Variants in PM20D2 observed in about 807,000 individuals in gnomAD.
The protein encoded by PM20D2 is peptidase M20 domain containing 2.
Under a neutral mutation model 42.9 loss-of-function variants are expected in PM20D2, and 33 were observed. The ratio of observed to expected loss-of-function variants is 0.77; its 90% CI spans 0.58 to 1.03. The LOEUF is 1.03. Ranked by LOEUF, PM20D2 falls within the 50% of genes least tolerant of loss-of-function variation. The probability of loss-of-function intolerance (pLI) is 0.00; values close to 1 mark genes in which losing one functional copy is unlikely to be tolerated. For synonymous variants in PM20D2, 250 were observed against 228.2 expected (o/e 1.10, Z -0.86); for missense variants, 548 against 557.0 (o/e 0.98, Z 0.16).
chr6:89,154,124 A>C (rs1434231108), intron 3 of PM20D2, among the ~76,000 whole-genome samples: 2 of 152,228 alleles, frequency 1.3e-5, no homozygotes, highest in African/African-American at 4.8e-5. Flanking sequence ...AGGAACAAAC[A>C]GGAATGTGTA....
intron 2 of PM20D2, among the ~76,000 whole-genome samples, chr6:89,151,350 C>T (rs1770833335): frequency 6.6e-6 from 1 of 151,846 alleles, no homozygotes; most frequent in South Asian, 2.1e-4. Context: ...CTGCCTCAGC[C>T]TCCCATGGAC....
the PM20D2 span, among the ~76,000 whole-genome samples, chr6:89,113,662 T>C: frequency 1.3e-5 from 2 of 152,128 alleles, no homozygotes; most frequent in African/African-American, 4.8e-5. Flanking sequence ...TATTTATTTA[T>C]TTTTGAGACA....
intron 5 of PM20D2, among the ~76,000 whole-genome samples, chr6:89,160,967 T>G (rs1771214263): frequency 6.6e-6 from 1 of 151,430 alleles, no homozygotes. Context: ...GAGATCAGGT[T>G]GGAAAGGTGA....
At chr6:89,158,557 G>C in intron 5 of PM20D2, 97 bp downstream of exon 5, 2 of 1,367,498 alleles carry the variant, frequency 1.5e-6, no homozygotes, top group Middle Eastern at 1.9e-4. Context: ...AGGTCGGGAG[G>C]TACTACTGAC....
the PM20D2 span, among the ~76,000 whole-genome samples, chr6:89,099,464 G>A: frequency 4.5e-5 from 6 of 134,808 alleles, no homozygotes; most frequent in East Asian, 2.2e-4. Flanking sequence ...GTGTATATAT[G>A]TGTGTGTATA....
the PM20D2 span, among the ~76,000 whole-genome samples, chr6:89,118,823 A>G: frequency 6.6e-6 from 1 of 152,222 alleles, no homozygotes; most frequent in Non-Finnish European, 1.5e-5. Context: ...ACAAATGAAT[A>G]CATGATGTAG....
the PM20D2 span, among the ~76,000 whole-genome samples, chr6:89,128,874 A>G: frequency 1.6e-4 from 24 of 152,190 alleles, no homozygotes; most frequent in Non-Finnish European, 3.1e-4. Flanking sequence ...CCACTTTTCA[A>G]ATGCTCAATA....
At chr6:89,114,785 TA>T in the PM20D2 span, among the ~76,000 whole-genome samples, 1 of 152,166 alleles carries the variant, frequency 6.6e-6, no homozygotes, top group Non-Finnish European at 1.5e-5. Flanking sequence ...AAATTGCCAA[TA>T]TTTTACTGCT....
At chr6:89,115,447 T>C in the PM20D2 span, among the ~76,000 whole-genome samples, 1 of 151,850 alleles carries the variant, frequency 6.6e-6, no homozygotes, top group African/African-American at 2.4e-5. Flanking sequence ...CACACCTGGC[T>C]AATTTTTGTG....
chr6:89,103,331 CTTT>C, the PM20D2 span, among the ~76,000 whole-genome samples: 1 of 141,356 alleles, frequency 7.1e-6, no homozygotes. Context: ...AATTTAAATT[CTTT>C]TTTTTTTTTT....
the PM20D2 span, among the ~76,000 whole-genome samples, chr6:89,114,117 C>T: frequency 6.6e-6 from 1 of 152,126 alleles, no homozygotes; most frequent in African/African-American, 2.4e-5. Flanking sequence ...GATTTCTCAT[C>T]GGTAAAATGG....
the PM20D2 span, among the ~76,000 whole-genome samples, chr6:89,132,739 G>T: frequency 6.6e-6 from 1 of 150,820 alleles, no homozygotes; most frequent in Admixed American, 6.6e-5. Flanking sequence ...TCGGGAGGCT[G>T]AGGGAGGAGA....
At chr6:89,105,264 G>C in the PM20D2 span, 1 of 1,603,132 alleles carries the variant, frequency 6.2e-7, no homozygotes, top group South Asian at 1.1e-5. Context: ...CCTGGTGCTG[G>C]AACATAAAGA....
intron 2 of PM20D2, 22 bp downstream of exon 2, chr6:89,149,435 A>G (rs1770753092): frequency 6.2e-7 from 1 of 1,611,558 alleles, no homozygotes; most frequent in African/African-American, 1.3e-5. Flanking sequence ...AGTTGAAGAT[A>G]AACTTCTTAG....
chr6:89,141,866 G>A (rs1291491309), upstream of PM20D2, among the ~76,000 whole-genome samples: 3 of 152,152 alleles, frequency 2.0e-5, 1 homozygote, highest in Admixed American at 1.3e-4. Flanking sequence ...GTGCAGTGGT[G>A]CAATCATGCT....
the PM20D2 span, chr6:89,105,640 A>G: frequency 1.3e-6 from 1 of 759,916 alleles, no homozygotes; most frequent in Non-Finnish European, 2.0e-6. Flanking sequence ...TCAAGTTATT[A>G]AGCTCACATC....
chr6:89,098,940 G>A, the PM20D2 span: 1 of 1,611,632 alleles, frequency 6.2e-7, no homozygotes, highest in Non-Finnish European at 8.5e-7. Flanking sequence ...AATCGCCTGT[G>A]TCGAGACCTG....
At chr6:89,111,592 A>T in the PM20D2 span, among the ~76,000 whole-genome samples, 2 of 152,050 alleles carry the variant, frequency 1.3e-5, no homozygotes, top group Admixed American at 6.6e-5. Flanking sequence ...GTCACCTAAG[A>T]ATGGTTACTT....
At chr6:89,115,203 C>A in the PM20D2 span, among the ~76,000 whole-genome samples, 1 of 152,128 alleles carries the variant, frequency 6.6e-6, no homozygotes, top group East Asian at 1.9e-4. Context: ...GCTCAAGTGA[C>A]CTCCCGGGCT....
Sources: allele counts gnomAD v4.1 joint callset (sites outside exome capture counted in the v4.1 genomes callset), GRCh38; gene constraint gnomAD v4.1.1; transcripts MANE v1.5; gene names NCBI Gene and HGNC (gene_info 2026-07-23, HGNC 2026-07-21).